Variants in RABGAP1 observed in about 807,000 individuals in gnomAD.
RABGAP1 encodes RAB GTPase activating protein 1, also known as rab GTPase-activating protein 1.
Under a neutral mutation model 137.6 loss-of-function variants are expected in RABGAP1, and 23 were observed. The observed-to-expected ratio is 0.17, with a 90% CI of 0.12 to 0.24. The LOEUF (loss-of-function observed/expected upper bound fraction) is 0.24, where lower values mean the gene tolerates loss of function less well. Ranked by LOEUF, RABGAP1 falls within the 10% of genes least tolerant of loss-of-function variation. The pLI is 1.00. For synonymous variants in RABGAP1, 451 were observed against 450.7 expected (o/e 1.00, Z -0.01); for missense variants, 906 against 1,275.8 (o/e 0.71, Z 4.42).
At chr9:123,065,820 G>T (rs1291022930) in intron 14 of RABGAP1, among the ~76,000 whole-genome samples, 3 of 152,128 alleles carry the variant, frequency 2.0e-5, no homozygotes, top group Non-Finnish European at 4.4e-5. Flanking sequence ...TGGCACCTAC[G>T]GTACGGTCTC....
At position 122,974,698 on chromosome 9, in the gene RABGAP1, T is replaced by A. The variant is rs183384253; in HGVS notation, c.151-9787T>A. 1.9e-3 allele frequency among the ~76,000 whole-genome samples: 291 copies of A among 152,250 alleles called. 3 individuals are homozygous for A. Among genetic ancestry groups the A allele is most frequent in the Non-Finnish European group, 2.5e-3 (169 of 68,012 alleles). On this transcript the variant is annotated intron_variant, in intron 2 of 25. Transcript: ENST00000373647. ...TACTTAGTGAAACAGTTGTAAATGT[T>A]TTGGGCCTGTCTTCAGTTGACTTTT... is the stretch of plus-strand genomic sequence containing the variant.
At chr9:123,059,267 A>T (rs1172120260) in intron 13 of RABGAP1, among the ~76,000 whole-genome samples, 5 of 152,168 alleles carry the variant, frequency 3.3e-5, no homozygotes, top group Non-Finnish European at 4.4e-5. Flanking sequence ...GTTAAAACCT[A>T]ACCATGGCTA....
chr9:122,959,485 C>G (rs1834734682), intron 2 of RABGAP1, among the ~76,000 whole-genome samples: 1 of 151,748 alleles, frequency 6.6e-6, no homozygotes, highest in South Asian at 2.1e-4. Context: ...GCATGTTCTA[C>G]TCCTCAGCAG....
intron 10 of RABGAP1, among the ~76,000 whole-genome samples, chr9:123,006,732 C>T (rs923037723): frequency 1.2e-4 from 18 of 151,912 alleles, no homozygotes; most frequent in East Asian, 1.9e-4. Flanking sequence ...CTCAGCTTCC[C>T]GAGTAGCTGG....
chr9:123,104,714 C>CCTAT lies in RABGAP1; in HGVS notation c.*1505_*1508dup, dbSNP rs1171886413. 6 of 152,324 alleles carry CCTAT rather than the reference C, an allele frequency of 3.9e-5. No homozygotes were observed. The highest frequency in any genetic ancestry group is 3.9e-4 in the East Asian group (2 of 5,188). The allele number at this position is 152,324 out of a possible 1,614,324, so 9.4% of individuals were successfully genotyped here. ...GTTCAGTTACCAAAATAGCTGTAAG[C>CCTAT]CTATCTAATGCTAGGTGTGTGGACA... is the stretch of plus-strand genomic sequence containing the variant. On this transcript the variant is annotated 3_prime_UTR_variant, in exon 26 of 26. Coordinates refer to ENST00000373647, the MANE Select transcript of RABGAP1 (RefSeq NM_012197.4).
chr9:123,069,348 G>A (rs2132134243), intron 14 of RABGAP1, among the ~76,000 whole-genome samples: 1 of 152,292 alleles, frequency 6.6e-6, no homozygotes, highest in African/African-American at 2.4e-5. Context: ...TGTTTCGTGA[G>A]CGCATGCTGT....
At chr9:123,077,584 A>G (rs956122490) in intron 19 of RABGAP1, among the ~76,000 whole-genome samples, 3 of 149,880 alleles carry the variant, frequency 2.0e-5, no homozygotes, top group Non-Finnish European at 3.0e-5. Flanking sequence ...AAGGTATAGG[A>G]TCTTCTTGTG....
At chr9:122,949,577 C>T (rs915067609) in intron 1 of RABGAP1, among the ~76,000 whole-genome samples, 2 of 151,610 alleles carry the variant, frequency 1.3e-5, no homozygotes, top group African/African-American at 2.4e-5. Flanking sequence ...TGCCTGTAAT[C>T]CCAGCTATTC....
At chr9:123,057,879 C>T (rs971041468) in intron 13 of RABGAP1, among the ~76,000 whole-genome samples, 5 of 152,210 alleles carry the variant, frequency 3.3e-5, no homozygotes, top group Admixed American at 6.5e-5. Flanking sequence ...AGCAAAACCC[C>T]GTCTCCACCA....
intron 2 of RABGAP1, among the ~76,000 whole-genome samples, chr9:122,971,040 A>G (rs914310493): frequency 6.6e-6 from 1 of 152,240 alleles, no homozygotes; most frequent in Non-Finnish European, 1.5e-5. Flanking sequence ...TTGGATTTTG[A>G]TAACTACGTT....
chr9:123,060,475 G>T (rs1044341503), intron 13 of RABGAP1, among the ~76,000 whole-genome samples: 1 of 152,152 alleles, frequency 6.6e-6, no homozygotes, highest in Non-Finnish European at 1.5e-5. Flanking sequence ...GACATTTGAG[G>T]TTTCTAGTTG....
intron 3 of RABGAP1, 81 bp from the exon 4 acceptor site, chr9:122,986,134 C>A: frequency 7.6e-7 from 1 of 1,311,970 alleles, no homozygotes; most frequent in Non-Finnish European, 1.1e-6. Context: ...TTAAATGTTA[C>A]TTGCAGATTT....
intron 12 of RABGAP1, among the ~76,000 whole-genome samples, chr9:123,017,279 C>T (rs1433697437): frequency 2.6e-5 from 4 of 152,146 alleles, no homozygotes; most frequent in Non-Finnish European, 5.9e-5. Flanking sequence ...TTTTATTACA[C>T]GAACCCATCA....
At chr9:123,051,216 G>GTTTTTTTTTTTTTTTGTTTT (rs2033444676) in intron 13 of RABGAP1, among the ~76,000 whole-genome samples, 1 of 34,278 alleles carries the variant, frequency 2.9e-5, no homozygotes, top group Admixed American at 3.5e-4. Context: ...ATTCACCTTG[G>GTTTTTTTTTTTTTTTGTTTT]TTTTTTTTTT....
At chr9:123,028,051 G>C (rs904443600) in intron 13 of RABGAP1, among the ~76,000 whole-genome samples, 2 of 152,166 alleles carry the variant, frequency 1.3e-5, no homozygotes, top group African/African-American at 4.8e-5. Flanking sequence ...TGAATTATAA[G>C]ACTGGAAACA....
At chr9:122,984,778 C>A in intron 3 of RABGAP1, 59 bp downstream of exon 3, 1 of 1,444,518 alleles carries the variant, frequency 6.9e-7, no homozygotes, top group Non-Finnish European at 9.6e-7. Flanking sequence ...ATGTGAGTGT[C>A]CACCCTGTAC....
chr9:123,072,261 A>T (rs2034380556), intron 15 of RABGAP1, among the ~76,000 whole-genome samples: 1 of 152,228 alleles, frequency 6.6e-6, no homozygotes, highest in Non-Finnish European at 1.5e-5. Flanking sequence ...AACCTGTACA[A>T]GTAAAACAAA....
chr9:123,075,566 TTATG>T (rs1479425621), intron 17 of RABGAP1, among the ~76,000 whole-genome samples: 4 of 152,216 alleles, frequency 2.6e-5, no homozygotes, highest in Non-Finnish European at 4.4e-5. Flanking sequence ...GTGCTATACT[TTATG>T]TAACCAATTT....
intron 1 of RABGAP1, among the ~76,000 whole-genome samples, chr9:122,949,498 G>T (rs976111684): frequency 1.3e-5 from 2 of 151,946 alleles, no homozygotes; most frequent in African/African-American, 4.8e-5. Flanking sequence ...TGGGCAACAA[G>T]AGTGAAACTC....
Sources: allele counts gnomAD v4.1 joint callset (sites outside exome capture counted in the v4.1 genomes callset), GRCh38; gene constraint gnomAD v4.1.1; transcripts MANE v1.5; gene names NCBI Gene and HGNC (gene_info 2026-07-23, HGNC 2026-07-21).